Variants in VRK2 observed in about 807,000 individuals in gnomAD.
The protein encoded by VRK2 is VRK serine/threonine kinase 2, also known as serine/threonine-protein kinase VRK2.
A neutral mutation model predicts 57.6 loss-of-function variants in VRK2; 60 were observed. That is an observed-to-expected ratio of 1.04 (90% CI 0.85 to 1.29). The LOEUF (loss-of-function observed/expected upper bound fraction) is 1.29. Ranked by LOEUF, VRK2 falls within the 50% of genes most tolerant of loss-of-function variation. The pLI, the probability that VRK2 is intolerant of heterozygous loss-of-function variation, is 0.00. For synonymous variants in VRK2, 231 were observed against 199.2 expected, an observed-to-expected ratio of 1.16 and a Z score of -1.35; for missense variants, 705 against 588.1, an observed-to-expected ratio of 1.20 and a Z score of -2.06.
chr2:58,040,119 G>T (rs999057678), intron 3 of VRK2, among the ~76,000 whole-genome samples: 1 of 151,832 alleles, frequency 6.6e-6, no homozygotes, highest in African/African-American at 2.4e-5. Context: ...TAGAGACAGG[G>T]TCTCGCTATG....
upstream of VRK2, among the ~76,000 whole-genome samples, chr2:58,043,703 C>G (rs1270305764): frequency 6.6e-6 from 1 of 152,150 alleles, no homozygotes. Flanking sequence ...AAAGATTCCC[C>G]TACAAGTCTT....
At chr2:58,051,883 A>G (rs748522066) in intron 2 of VRK2, among the ~76,000 whole-genome samples, 2 of 152,238 alleles carry the variant, frequency 1.3e-5, no homozygotes, top group Non-Finnish European at 2.9e-5. Context: ...GAACAAAGTC[A>G]AAGTTCTTTC....
At chr2:58,146,657 A>T (rs929629776) in intron 12 of VRK2, among the ~76,000 whole-genome samples, 183 bp downstream of exon 12, 5 of 152,016 alleles carry the variant, frequency 3.3e-5, no homozygotes, top group Non-Finnish European at 5.9e-5. Flanking sequence ...GTTATCATAG[A>T]AACAGAATAG....
chr2:57,956,611 C>A (rs1281173348), intron 1 of VRK2, among the ~76,000 whole-genome samples: 3 of 152,096 alleles, frequency 2.0e-5, no homozygotes, highest in African/African-American at 7.2e-5. Flanking sequence ...GGAATCCATT[C>A]TTTCTCTTCT....
At chr2:57,991,424 T>C (rs1672763054) in intron 1 of VRK2, among the ~76,000 whole-genome samples, 1 of 151,554 alleles carries the variant, frequency 6.6e-6, no homozygotes, top group Non-Finnish European at 1.5e-5. Context: ...GTGAAGAATC[T>C]GGATATAGTT....
chr2:58,013,055 T>C (rs1315281439), intron 1 of VRK2, among the ~76,000 whole-genome samples: 1 of 152,218 alleles, frequency 6.6e-6, no homozygotes, highest in African/African-American at 2.4e-5. Flanking sequence ...AAATTTTAGA[T>C]ATATTCTACT....
chr2:57,999,451 G>A (rs1406206283), intron 1 of VRK2, among the ~76,000 whole-genome samples: 1 of 152,116 alleles, frequency 6.6e-6, no homozygotes, highest in South Asian at 2.1e-4. Context: ...ACTAAAGTGA[G>A]CAATATTGAA....
upstream of VRK2, among the ~76,000 whole-genome samples, chr2:58,045,449 C>A (rs1674668788): frequency 6.6e-6 from 1 of 152,030 alleles, no homozygotes; most frequent in Non-Finnish European, 1.5e-5. Flanking sequence ...GGAAAGAGTA[C>A]CCAATATGGA....
At chr2:57,962,213 T>C (rs1402790066) in intron 1 of VRK2, among the ~76,000 whole-genome samples, 1 of 152,184 alleles carries the variant, frequency 6.6e-6, no homozygotes. Flanking sequence ...ACCCTCTTCA[T>C]CCTACAGATA....
chr2:57,960,670 T>C (rs1053102609), intron 1 of VRK2, among the ~76,000 whole-genome samples: 1 of 152,250 alleles, frequency 6.6e-6, no homozygotes, highest in Non-Finnish European at 1.5e-5. Context: ...GGTGGATAGA[T>C]GCCATCTCCT....
intron 1 of VRK2, among the ~76,000 whole-genome samples, chr2:58,020,429 T>C (rs1004568790): frequency 6.6e-6 from 1 of 152,230 alleles, no homozygotes; most frequent in Admixed American, 6.5e-5. Context: ...GGTCTTGAAC[T>C]CCTGGCCTCA....
chr2:58,014,375 C>T (rs72949121), intron 1 of VRK2, among the ~76,000 whole-genome samples: 3,214 of 152,242 alleles, frequency 0.021, 150 homozygotes, highest in African/African-American at 0.074. Context: ...ATTATGAGAG[C>T]AGATTCACTG....
At chr2:58,001,817 G>C (rs1673098581) in intron 1 of VRK2, among the ~76,000 whole-genome samples, 1 of 152,044 alleles carries the variant, frequency 6.6e-6, no homozygotes. Context: ...ATAAGACTCT[G>C]TCTCAATAAT....
chr2:58,135,984 C>A (rs1395074996), intron 10 of VRK2, among the ~76,000 whole-genome samples: 3 of 152,104 alleles, frequency 2.0e-5, no homozygotes, highest in African/African-American at 7.2e-5. Context: ...TGGACAATCT[C>A]AAAGTTAGCT....
intron 11 of VRK2, among the ~76,000 whole-genome samples, chr2:58,144,976 C>T (rs565501491): frequency 6.6e-6 from 1 of 152,056 alleles, no homozygotes; most frequent in South Asian, 2.1e-4. Context: ...TCTGCTTGCC[C>T]AGCCAATGTA....
intron 2 of VRK2, among the ~76,000 whole-genome samples, chr2:58,076,448 C>A (rs1186265173): frequency 1.3e-5 from 2 of 151,844 alleles, no homozygotes; most frequent in Non-Finnish European, 2.9e-5. Context: ...GAGAAAAGTT[C>A]AAAATTTAAA....
chr2:58,092,160 C>A (rs978953516), intron 7 of VRK2, among the ~76,000 whole-genome samples: 9 of 152,130 alleles, frequency 5.9e-5, no homozygotes, highest in Non-Finnish European at 1.3e-4. Flanking sequence ...CCCAAAAGTT[C>A]TCTCATTCCT....
At chr2:57,963,677 T>A (rs1305809126) in intron 1 of VRK2, among the ~76,000 whole-genome samples, 1 of 152,228 alleles carries the variant, frequency 6.6e-6, no homozygotes, top group African/African-American at 2.4e-5. Context: ...CATTCACGTA[T>A]CAGTCCCAGT....
intron 2 of VRK2, among the ~76,000 whole-genome samples, chr2:58,067,166 G>A (rs1281239591): frequency 1.3e-5 from 2 of 152,170 alleles, no homozygotes; most frequent in African/African-American, 2.4e-5. Context: ...ACTCACACCA[G>A]TGGTTTTTCA....
Sources: gnomAD v4.1 joint callset for allele counts (sites outside exome capture counted in the v4.1 genomes callset) on GRCh38, gnomAD v4.1.1 for gene constraint, MANE v1.5 for transcripts, NCBI Gene and HGNC (gene_info 2026-07-23, HGNC 2026-07-21) for gene names.